The following CDH12 variants were observed in gnomAD, a reference collection of about 807,000 sequenced individuals.
CDH12 encodes the protein cadherin 12.
Under a neutral mutation model 74.1 loss-of-function variants are expected in CDH12, and 41 were observed. The observed-to-expected ratio is 0.55, with a 90% confidence interval of 0.43 to 0.72. The LOEUF (loss-of-function observed/expected upper bound fraction) is 0.72. Ranked by LOEUF, CDH12 falls within the 30% of genes least tolerant of loss-of-function variation. The probability of loss-of-function intolerance (pLI) is 0.00; values close to 1 mark genes in which losing one functional copy is unlikely to be tolerated. For missense variants in CDH12, 945 were observed against 977.2 expected (o/e 0.97, Z 0.44); for synonymous variants, 399 against 355.0 (o/e 1.12, Z -1.39).
At chr5:22,738,264 A>G (rs1038163712) in intron 1 of CDH12, among the ~76,000 whole-genome samples, 1 of 152,040 alleles carries the variant, frequency 6.6e-6, no homozygotes, top group Non-Finnish European at 1.5e-5. Flanking sequence ...AGTCTATGGT[A>G]ATGGTCTAAT....
chr5:22,535,800 G>A (rs984246750), intron 1 of CDH12, among the ~76,000 whole-genome samples: 1 of 152,168 alleles, frequency 6.6e-6, no homozygotes, highest in African/African-American at 2.4e-5. Flanking sequence ...CAGTAACTAT[G>A]GGGAGGGATT....
At chr5:22,573,828 A>T (rs569935742) in intron 1 of CDH12, among the ~76,000 whole-genome samples, 1 of 152,168 alleles carries the variant, frequency 6.6e-6, no homozygotes, top group Admixed American at 6.6e-5. Context: ...GATATATTGG[A>T]CTGTAGAGGA....
chr5:21,884,484 C>T (rs1752525505), intron 6 of CDH12, among the ~76,000 whole-genome samples: 1 of 152,182 alleles, frequency 6.6e-6, no homozygotes, highest in Non-Finnish European at 1.5e-5. Context: ...TAATGGTTTA[C>T]TGCTGTCATT....
intron 4 of CDH12, among the ~76,000 whole-genome samples, chr5:22,201,258 G>C (rs1298091575): frequency 6.6e-6 from 1 of 152,142 alleles, no homozygotes; most frequent in African/African-American, 2.4e-5. Flanking sequence ...CATATCTTAA[G>C]ATATCCAAGA....
At chr5:21,847,784 A>C (rs1290054814) in intron 7 of CDH12, among the ~76,000 whole-genome samples, 2 of 152,096 alleles carry the variant, frequency 1.3e-5, no homozygotes, top group Admixed American at 1.3e-4. Flanking sequence ...TCTAGCATAC[A>C]TACTCTTCCT....
chr5:22,020,100 C>T (rs1367411340), intron 5 of CDH12, among the ~76,000 whole-genome samples: 2 of 152,118 alleles, frequency 1.3e-5, no homozygotes, highest in East Asian at 1.9e-4. Context: ...GATTCAGATA[C>T]ATGTTGAGGT....
At chr5:21,803,796 C>G (rs1481582867) in intron 9 of CDH12, among the ~76,000 whole-genome samples, 1 of 152,100 alleles carries the variant, frequency 6.6e-6, no homozygotes, top group East Asian at 1.9e-4. Flanking sequence ...GTACCTGTTC[C>G]TTTACTGTAG....
chr5:21,910,968 G>A (rs573451153), intron 6 of CDH12, among the ~76,000 whole-genome samples: 3 of 152,278 alleles, frequency 2.0e-5, no homozygotes, highest in African/African-American at 4.8e-5. Context: ...GCTCTCTAGT[G>A]ATGTTTTTAA....
intron 3 of CDH12, among the ~76,000 whole-genome samples, chr5:22,253,137 C>CAGGATAAT (rs1753189173): frequency 6.6e-6 from 1 of 151,744 alleles, no homozygotes; most frequent in African/African-American, 2.4e-5. Flanking sequence ...ATTTATGATT[C>CAGGATAAT]AGGATAATAC....
intron 7 of CDH12, among the ~76,000 whole-genome samples, chr5:21,853,959 C>T (rs146722470): frequency 2.6e-5 from 4 of 151,682 alleles, no homozygotes; most frequent in African/African-American, 7.2e-5. Flanking sequence ...CTCTGATCAT[C>T]GGTGAAGTGG....
chr5:21,868,436 T>G (rs984752471), intron 6 of CDH12, among the ~76,000 whole-genome samples: 1 of 152,270 alleles, frequency 6.6e-6, no homozygotes, highest in Admixed American at 6.5e-5. Flanking sequence ...GGGAAAGCTA[T>G]AGGCATAAGA....
chr5:22,075,628 G>A (rs1409026475), intron 5 of CDH12, among the ~76,000 whole-genome samples: 1 of 151,800 alleles, frequency 6.6e-6, no homozygotes, highest in Non-Finnish European at 1.5e-5. Context: ...TATGTTATAT[G>A]TATTCTAACA....
In CDH12 at chr5:22,063,976, C is replaced by A. The variant is rs1741375852; in HGVS notation, c.231+14470G>T. On this transcript the variant is annotated intron_variant, in intron 5 of 14. Coordinates refer to ENST00000382254, the MANE Select transcript of CDH12 (RefSeq NM_004061.5). ...CTCATATATCAGAAACTGACTCATG[C>A]AATTATGGAGATACACACACACACA... 3.7e-5 allele frequency among the ~76,000 whole-genome samples: 5 copies of A among 135,624 alleles called. No homozygotes were observed. The South Asian group carries it at 1.3e-3, about 35-fold the overall frequency. The allele number at this position is 135,624 out of a possible 152,430, so 89.0% of individuals were successfully genotyped here.
At chr5:22,832,323 C>T (rs950606126) in intron 1 of CDH12, among the ~76,000 whole-genome samples, 5 of 152,048 alleles carry the variant, frequency 3.3e-5, no homozygotes, top group Non-Finnish European at 5.9e-5. Flanking sequence ...CATATTAAAA[C>T]GTTAGCCAAT....
intron 1 of CDH12, among the ~76,000 whole-genome samples, chr5:22,659,924 A>G (rs780424522): frequency 6.6e-6 from 1 of 152,154 alleles, no homozygotes; most frequent in Non-Finnish European, 1.5e-5. Context: ...ATAGAATATG[A>G]CTATCTAAGT....
At chr5:22,257,474 TTTTTATTTTTA>T (rs762681922) in intron 3 of CDH12, among the ~76,000 whole-genome samples, 1 of 135,638 alleles carries the variant, frequency 7.4e-6, no homozygotes, top group Non-Finnish European at 1.6e-5. Context: ...CAATTTTTAT[TTTTTATTTTTA>T]TTTATTTATT....
rs550062426 is a variant in CDH12 at position 21,808,547 on chromosome 5, T to C, written c.1003-6127A>G. Among the ~76,000 whole-genome samples, 48 of 152,036 alleles carry C rather than the reference T, an allele frequency of 3.2e-4. 3 individuals are homozygous for C. The South Asian group carries it at 9.1e-3, about 29-fold the overall frequency. ...CTTATCTGAAACAGACTAGATTCTT[T>C]CTAAGACAAGCAGTTAGAAAACAGA... On this transcript the variant is annotated intron_variant, in intron 9 of 14. Transcript: ENST00000382254.
chr5:22,673,726 A>G (rs1741021223), intron 1 of CDH12, among the ~76,000 whole-genome samples: 1 of 152,162 alleles, frequency 6.6e-6, no homozygotes, highest in Non-Finnish European at 1.5e-5. Context: ...GAGTTCTTGC[A>G]TCACCTCCCT....
intron 13 of CDH12, among the ~76,000 whole-genome samples, chr5:21,757,986 A>G (rs7734488): frequency 0.067 from 10,170 of 152,122 alleles, 992 homozygotes; most frequent in African/African-American, 0.22. Flanking sequence ...TTATCTCCCT[A>G]TGATATATTT....
Sources: allele counts gnomAD v4.1 joint callset (sites outside exome capture counted in the v4.1 genomes callset), GRCh38; gene constraint gnomAD v4.1.1; transcripts MANE v1.5; gene names NCBI Gene and HGNC (gene_info 2026-07-23, HGNC 2026-07-21).